HAUS1: variants seen among roughly 807,000 people sequenced by gnomAD.
HAUS1 encodes the protein HAUS augmin like complex subunit 1.
Under a neutral mutation model 38.6 loss-of-function variants are expected in HAUS1, and 25 were observed. The ratio of observed to expected loss-of-function variants is 0.65; its 90% confidence interval spans 0.47 to 0.91. HAUS1 has a LOEUF of 0.91. Ranked by LOEUF, HAUS1 falls within the 40% of genes least tolerant of loss-of-function variation. The pLI, the probability that HAUS1 is intolerant of heterozygous loss-of-function variation, is 0.00. For missense variants in HAUS1, 325 were observed against 328.4 expected (o/e 0.99, Z 0.08); for synonymous variants, 109 against 112.9 (o/e 0.97, Z 0.22).
At chr18:46,115,970 G>T (rs997886833) in intron 2 of HAUS1, among the ~76,000 whole-genome samples, 6 of 152,064 alleles carry the variant, frequency 3.9e-5, no homozygotes, top group African/African-American at 1.4e-4. Flanking sequence ...GCTGGGTGTG[G>T]TGGCACATGC....
At chr18:46,118,087 G>A (rs1911842361) in intron 2 of HAUS1, 94 bp from the exon 3 acceptor site, 1 of 1,185,202 alleles carries the variant, frequency 8.4e-7, no homozygotes. Context: ...CCTTAGGTGG[G>A]TGGATTATAT....
At chr18:46,120,891 C>G (rs1250632693) in intron 4 of HAUS1, among the ~76,000 whole-genome samples, 5 of 152,224 alleles carry the variant, frequency 3.3e-5, no homozygotes, top group African/African-American at 1.2e-4. Context: ...CAGCCTCCTG[C>G]CTTTTCTTAA....
Position 46,119,982 on chromosome 18 carries a change from G to C in HAUS1, c.398G>C (p.Ser133Thr), listed in dbSNP as rs774943778. ...TSDLFRTKSK[S>T]EEIKIELEKL... ...GATCTCTTTCGTACCAAATCCAAAA[G>C]TGAAGAAATCAAGATTGAACTGGAA... Residue 133 changes from serine (S) to threonine (T), a missense_variant, in exon 4 of 9, where the codon AGT becomes ACT. Physicochemically the swap from Ser to Thr is moderately conservative, Grantham distance 58. Coordinates refer to ENST00000282058, the MANE Select transcript of HAUS1 (RefSeq NM_138443.4). 46 of 1,609,128 alleles carry C rather than the reference G, an allele frequency of 2.9e-5. No homozygotes were observed. The highest frequency in any genetic ancestry group is 3.8e-5 in the Non-Finnish European group (45 of 1,177,904).
At chr18:46,109,482 A>G (rs1911564090) in intron 2 of HAUS1, among the ~76,000 whole-genome samples, 1 of 152,168 alleles carries the variant, frequency 6.6e-6, no homozygotes, top group South Asian at 2.1e-4. Flanking sequence ...CAGAGAATAC[A>G]TTGCATTATT....
intron 2 of HAUS1, among the ~76,000 whole-genome samples, chr18:46,107,535 CTTCTCTT>C (rs1386632757): frequency 6.6e-6 from 1 of 152,190 alleles, no homozygotes; most frequent in Non-Finnish European, 1.5e-5. Flanking sequence ...TGCATCATTA[CTTCTCTT>C]TTCTAAGTTT....
At chr18:46,124,129 G>T (rs1912029366) in intron 6 of HAUS1, among the ~76,000 whole-genome samples, 1 of 152,114 alleles carries the variant, frequency 6.6e-6, no homozygotes, top group Non-Finnish European at 1.5e-5. Context: ...GGGAGCAAAG[G>T]CCAGGCATGG....
At position 46,118,517 on chromosome 18, in the gene HAUS1, G is replaced by A. The variant is rs1313303425; in HGVS notation, c.341+201G>A. On this transcript the variant is annotated intron_variant, in intron 3 of 8. Coordinates refer to ENST00000282058, the MANE Select transcript of HAUS1 (RefSeq NM_138443.4). ...TAATTTTTAGTGTTTTCTTCTTCCA[G>A]GATTAGATTTATGAAGGGTGGTTCT... 18 of 537,500 alleles carry A rather than the reference G, an allele frequency of 3.3e-5. No homozygotes were observed. The Admixed American group carries it at 5.4e-4, about 16-fold the overall frequency. 33.3% of individuals were successfully genotyped at this position (537,500 alleles called of 1,614,324 possible).
intron 3 of HAUS1, among the ~76,000 whole-genome samples, chr18:46,119,164 C>T (rs1477502072): frequency 1.3e-5 from 2 of 152,150 alleles, no homozygotes; most frequent in Admixed American, 6.6e-5. Flanking sequence ...CCACTGCGCC[C>T]GGTAGAACTA....
intron 2 of HAUS1, among the ~76,000 whole-genome samples, chr18:46,110,031 T>G (rs1208736553): frequency 1.3e-5 from 2 of 152,084 alleles, no homozygotes; most frequent in African/African-American, 4.8e-5. Flanking sequence ...TTCATATGCA[T>G]TCAGATTACC....
exon 9 of HAUS1, chr18:46,128,329 TCTTA>T (rs1431027097): frequency 2.3e-6 from 1 of 429,130 alleles, no homozygotes; most frequent in Non-Finnish European, 4.2e-6. Context: ...AAGCCTTTTC[TCTTA>T]CTTTGTTTCT....
At position 46,125,767 on chromosome 18, in the gene HAUS1, A is replaced by T; in HGVS notation, c.762A>T (p.Lys254Asn). The T allele has an allele frequency of 6.2e-7, 1 of 1,604,540 alleles. No individual in the cohort carries two copies. Among genetic ancestry groups the T allele is most frequent in the Non-Finnish European group, 8.5e-7 (1 of 1,173,632 alleles). Residue 254 changes from lysine to asparagine, a missense_variant, in exon 8 of 9, where the codon AAA (lysine) becomes AAT (asparagine). Transcript: ENST00000282058. ...AGAATCCGTCTCTTGCTCAAGTGAAAATTGAAGAAGCAAAGCGAGAACTAG... is the reference window on the plus strand; with the variant it reads ...AGAATCCGTCTCTTGCTCAAGTGAATATTGAAGAAGCAAAGCGAGAACTAG... Reference protein sequence around the residue: ...LMPNPSLAQVKIEEAKRELDS... With the variant: ...LMPNPSLAQVNIEEAKRELDS...
chr18:46,127,245 T>TA (rs1912135169), intron 8 of HAUS1, among the ~76,000 whole-genome samples: 1 of 152,082 alleles, frequency 6.6e-6, no homozygotes, highest in African/African-American at 2.4e-5. Flanking sequence ...GTGCTGGCAT[T>TA]ACAGGCATGA....
At chr18:46,110,152 CTT>C (rs869105132) in intron 2 of HAUS1, among the ~76,000 whole-genome samples, 17 of 115,328 alleles carry the variant, frequency 1.5e-4, no homozygotes, top group African/African-American at 2.1e-4. Flanking sequence ...TTATTTTGTC[CTT>C]TTTTTTTTTT....
intron 2 of HAUS1, among the ~76,000 whole-genome samples, chr18:46,115,475 AAAATTAGCCAG>A (rs1258076560): frequency 2.0e-5 from 3 of 151,348 alleles, no homozygotes; most frequent in Non-Finnish European, 4.4e-5. Context: ...AAAAAAAAAA[AAAATTAGCCAG>A]GGGTGGTGGT....
intron 2 of HAUS1, among the ~76,000 whole-genome samples, chr18:46,113,888 C>T (rs1003601201): frequency 6.6e-6 from 1 of 152,154 alleles, no homozygotes; most frequent in Non-Finnish European, 1.5e-5. Flanking sequence ...GAGTTAAACT[C>T]CTGATGTTAT....
chr18:46,110,406 G>A (rs565406745), intron 2 of HAUS1, among the ~76,000 whole-genome samples: 27 of 140,294 alleles, frequency 1.9e-4, no homozygotes, highest in Admixed American at 1.1e-3. Flanking sequence ...GTGCGGTGGC[G>A]CAGTCTCGGC....
chr18:46,125,927 C>T (rs1321668290), intron 8 of HAUS1, 136 bp downstream of exon 8: 5 of 629,982 alleles, frequency 7.9e-6, no homozygotes, highest in Non-Finnish European at 1.4e-5. Flanking sequence ...TATCATTCTC[C>T]TGCATCTTTT....
At chr18:46,104,500 G>GC (rs1474865197) in intron 1 of HAUS1, 59 bp downstream of exon 1, 2 of 1,374,002 alleles carry the variant, frequency 1.5e-6, no homozygotes, top group Non-Finnish European at 1.9e-6. Context: ...TGACACCCCC[G>GC]CGCCGACAGC....
intron 5 of HAUS1, 117 bp from the exon 6 acceptor site, chr18:46,123,182 G>A: frequency 1.4e-6 from 1 of 697,378 alleles, no homozygotes; most frequent in Non-Finnish European, 2.5e-6. Context: ...CTGCACTCCA[G>A]CCTGGGTGAC....
Sources: gnomAD v4.1 joint callset for allele counts (sites outside exome capture counted in the v4.1 genomes callset) on GRCh38, gnomAD v4.1.1 for gene constraint, MANE v1.5 for transcripts, NCBI Gene and HGNC (gene_info 2026-07-23, HGNC 2026-07-21) for gene names.